The following BNC2 variants were observed in gnomAD, a reference collection of about 807,000 sequenced individuals.
BNC2 encodes the protein basonuclin zinc finger protein 2, also known as zinc finger protein basonuclin-2.
BNC2 carries 20 observed loss-of-function variants against 76.3 expected under a neutral mutation model. The ratio of observed to expected loss-of-function variants is 0.26; its 90% CI spans 0.18 to 0.38. The LOEUF (loss-of-function observed/expected upper bound fraction) is 0.38, where lower values mean the gene tolerates loss of function less well. BNC2 is among the 10% of genes least tolerant of loss of function. The probability of loss-of-function intolerance (pLI) is 1.00; values close to 1 mark genes in which losing one functional copy is unlikely to be tolerated. For synonymous variants in BNC2, 582 were observed against 514.8 expected (o/e 1.13, Z -1.77); for missense variants, 1,382 against 1,399.8 (o/e 0.99, Z 0.20).
intron 5 of BNC2, among the ~76,000 whole-genome samples, chr9:16,534,230 G>A (rs1050506700): frequency 1.3e-5 from 2 of 151,992 alleles, no homozygotes; most frequent in Non-Finnish European, 2.9e-5. Flanking sequence ...TTTCTTCCTC[G>A]ATCTAACATT....
At chr9:16,776,614 C>T (rs764893267) in intron 1 of BNC2, among the ~76,000 whole-genome samples, 7 of 152,226 alleles carry the variant, frequency 4.6e-5, no homozygotes, top group South Asian at 2.1e-4. Context: ...ATTGTAAAGA[C>T]GTAATTTTAA....
intron 1 of BNC2, among the ~76,000 whole-genome samples, chr9:16,812,407 C>T (rs1028262260): frequency 2.0e-5 from 3 of 152,178 alleles, no homozygotes; most frequent in Non-Finnish European, 4.4e-5. Context: ...GGTCTCGTAT[C>T]AAAAAGAAAG....
In BNC2 at chr9:16,754,847, C is replaced by T. The variant is rs183951603; in HGVS notation, c.4-16362G>A. ...TGCTGGGATTAGAGGTGTGAGCCAC[C>T]GCGCCCGGCCCCAGCCATCTTGTTT... On this transcript the variant is annotated intron_variant, in intron 1 of 6. Transcript: ENST00000380672. Among the ~76,000 whole-genome samples the T allele has an allele frequency of 9.8e-5, 15 of 152,288 alleles. No homozygotes were observed. In the South Asian group the frequency reaches 1.5e-3, roughly 15 times the overall value.
rs371522032 is a variant in BNC2 at position 16,653,942 on chromosome 9, C to G, written c.331-70857G>C. Among the ~76,000 whole-genome samples, 4 of 152,082 alleles carry G rather than the reference C, an allele frequency of 2.6e-5. No homozygotes were observed. In the East Asian group the frequency reaches 7.7e-4, roughly 29 times the overall value. ...CTCCCCCACTCCTTCCTCGGCCCCCCTCCTGCCTGCCCCAGCTCTGTGATG... is the reference window on the plus strand; with the variant it reads ...CTCCCCCACTCCTTCCTCGGCCCCCGTCCTGCCTGCCCCAGCTCTGTGATG... On this transcript the variant is annotated intron_variant, in intron 3 of 6. Coordinates refer to ENST00000380672, the MANE Select transcript of BNC2 (RefSeq NM_017637.6).
chr9:16,564,808 G>C lies in BNC2; in HGVS notation c.434-12043C>G, dbSNP rs190328737. ...AAAACAATGATTGTCCACATGTTAA[G>C]ATGTATCTACATCTACTTTTTTCAA... On this transcript the variant is annotated intron_variant, in intron 4 of 6. Transcript: ENST00000380672. Among the ~76,000 whole-genome samples, 630 of 137,962 alleles carry C rather than the reference G, an allele frequency of 4.6e-3. 7 individuals are homozygous for C. Among genetic ancestry groups the C allele is most frequent in the African/African-American group, 0.022 (611 of 28,212 alleles). The allele number at this position is 137,962 out of a possible 152,430, so 90.5% of individuals were successfully genotyped here. A position where few individuals can be genotyped will look rare whatever the true frequency, so the allele number is the denominator to read the frequency against.
chr9:16,465,589 G>A (rs1424406361), intron 5 of BNC2, among the ~76,000 whole-genome samples: 3 of 151,932 alleles, frequency 2.0e-5, no homozygotes, highest in African/African-American at 7.3e-5. Context: ...TGACTATCAC[G>A]TTCAAATTAC....
At chr9:16,846,012 C>T (rs550742485) in intron 1 of BNC2, among the ~76,000 whole-genome samples, 1 of 151,518 alleles carries the variant, frequency 6.6e-6, no homozygotes, top group East Asian at 2.0e-4. Flanking sequence ...TAGCTGGCCG[C>T]GGTGGCGGGC....
At chr9:16,780,742 G>T (rs529360728) in intron 1 of BNC2, among the ~76,000 whole-genome samples, 1 of 152,094 alleles carries the variant, frequency 6.6e-6, no homozygotes, top group East Asian at 1.9e-4. Flanking sequence ...AGCCCCAGAA[G>T]AGCAAAAAAT....
Position 16,445,311 on chromosome 9 carries a change from G to T in BNC2, c.670-7787C>A, listed in dbSNP as rs74672532. On this transcript the variant is annotated intron_variant, in intron 5 of 6. Coordinates refer to ENST00000380672, the MANE Select transcript of BNC2 (RefSeq NM_017637.6). ...ATATACATCAGAGCACTTTGCTTGT[G>T]TAAGTAAACAAAATTACACCATTCT... is the stretch of plus-strand genomic sequence containing the variant. 7.7e-3 allele frequency among the ~76,000 whole-genome samples: 1,165 copies of T among 152,244 alleles called. 17 individuals carry two copies. Among genetic ancestry groups the T allele is most frequent in the African/African-American group, 0.027 (1,104 of 41,562 alleles).
intron 3 of BNC2, among the ~76,000 whole-genome samples, chr9:16,630,749 C>CTTTTTTTTTTTTTTT (rs755684997): frequency 3.0e-4 from 42 of 140,190 alleles, no homozygotes; most frequent in African/African-American, 7.8e-4. Flanking sequence ...TGGAGCGTTT[C>CTTTTTTTTTTTTTTT]TTTTTTTGAA....
chr9:16,728,162 AT>A (rs1206805821), intron 2 of BNC2, 165 bp from the exon 3 acceptor site: 4 of 728,020 alleles, frequency 5.5e-6, no homozygotes, highest in Non-Finnish European at 9.9e-6. Context: ...TATCCCTATC[AT>A]TTATGCATAG....
intron 5 of BNC2, among the ~76,000 whole-genome samples, chr9:16,462,634 A>G (rs1252115187): frequency 1.3e-5 from 2 of 152,184 alleles, no homozygotes; most frequent in South Asian, 2.1e-4. Context: ...ATACTTTATC[A>G]AGTTTCTTCC....
intron 1 of BNC2, among the ~76,000 whole-genome samples, chr9:16,747,185 CATAA>C (rs2135232587): frequency 6.6e-6 from 1 of 152,206 alleles, no homozygotes; most frequent in African/African-American, 2.4e-5. Flanking sequence ...TCACAGGGTA[CATAA>C]ATAATTAATT....
intron 6 of BNC2, among the ~76,000 whole-genome samples, chr9:16,430,584 C>T (rs1477055074): frequency 3.3e-5 from 5 of 152,152 alleles, no homozygotes; most frequent in East Asian, 3.8e-4. Flanking sequence ...AACATGTTTT[C>T]GCATCTTCAC....
chr9:16,610,549 T>C (rs149947443), intron 3 of BNC2, among the ~76,000 whole-genome samples: 10 of 152,334 alleles, frequency 6.6e-5, no homozygotes, highest in African/African-American at 2.2e-4. Context: ...CTCTGATCAG[T>C]TGGCCCAACA....
At chr9:16,643,891 G>A (rs1476535804) in intron 3 of BNC2, among the ~76,000 whole-genome samples, 1 of 152,092 alleles carries the variant, frequency 6.6e-6, no homozygotes, top group Non-Finnish European at 1.5e-5. Context: ...AAGAACAATA[G>A]GAACAAGTAG....
intron 1 of BNC2, among the ~76,000 whole-genome samples, chr9:16,860,194 T>G (rs2136202473): frequency 6.6e-6 from 1 of 151,658 alleles, no homozygotes. Context: ...TTTTAAAAAG[T>G]CAACTTCTAA....
In BNC2 at chr9:16,685,344, G is replaced by T. The variant is rs73645845; in HGVS notation, c.330+42453C>A. Among the ~76,000 whole-genome samples the T allele has an allele frequency of 8.5e-3, 1,292 of 152,290 alleles. 28 individuals are homozygous for T. Among genetic ancestry groups the T allele is most frequent in the African/African-American group, 0.029 (1,199 of 41,554 alleles). On this transcript the variant is annotated intron_variant, in intron 3 of 6. Coordinates refer to ENST00000380672, the MANE Select transcript of BNC2 (RefSeq NM_017637.6). ...TTACTACAGTATGTATATATGTCTT[G>T]ACTGAACAGACAAATGATCTACAGT...
chr9:16,768,201 C>T (rs1172341274), intron 1 of BNC2, among the ~76,000 whole-genome samples: 1 of 151,862 alleles, frequency 6.6e-6, no homozygotes, highest in African/African-American at 2.4e-5. Context: ...CCTGACCTCA[C>T]GTGATCCACC....
Sources: gnomAD v4.1 joint callset for allele counts (sites outside exome capture counted in the v4.1 genomes callset) on GRCh38, gnomAD v4.1.1 for gene constraint, MANE v1.5 for transcripts, NCBI Gene and HGNC (gene_info 2026-07-23, HGNC 2026-07-21) for gene names.